Variants in GABRB3 observed in about 807,000 individuals in gnomAD.
The protein encoded by GABRB3 is gamma-aminobutyric acid type A receptor subunit beta3.
In GABRB3, 14 loss-of-function variants were observed where a neutral mutation model predicts 52.1. The observed-to-expected ratio is 0.27, with a 90% CI of 0.18 to 0.42. The LOEUF is 0.42. Among genes scored for constraint, GABRB3 ranks in the 10% least tolerant of loss-of-function variants. GABRB3 has a pLI of 1.00. For synonymous variants in GABRB3, 260 were observed against 232.3 expected (o/e 1.12, Z -1.08); for missense variants, 307 against 609.1 (o/e 0.50, Z 5.22).
chr15:26,561,694 C>T (rs939904618), intron 7 of GABRB3, among the ~76,000 whole-genome samples: 1 of 152,136 alleles, frequency 6.6e-6, no homozygotes, highest in Admixed American at 6.5e-5. Context: ...TACTACAATG[C>T]TTATTGGAAG....
chr15:26,773,439 G>A (rs549139848), upstream of GABRB3, among the ~76,000 whole-genome samples: 11 of 151,396 alleles, frequency 7.3e-5, no homozygotes, highest in Non-Finnish European at 1.6e-4. Flanking sequence ...GGGCGAGTGC[G>A]GGGACTGTCG....
chr15:26,716,041 TC>T (rs1274414062), intron 3 of GABRB3, among the ~76,000 whole-genome samples: 1 of 152,146 alleles, frequency 6.6e-6, no homozygotes, highest in African/African-American at 2.4e-5. Context: ...ATGCAGGAAT[TC>T]CCCACACCTT....
At chr15:26,656,680 A>G (rs1490433129) in intron 3 of GABRB3, among the ~76,000 whole-genome samples, 3 of 152,186 alleles carry the variant, frequency 2.0e-5, no homozygotes, top group Admixed American at 6.5e-5. Flanking sequence ...TGAGGGATCT[A>G]GGTTGCACAC....
chr15:26,624,389 C>T lies in GABRB3; in HGVS notation c.241-2855G>A, dbSNP rs531620176. 3.6e-5 allele frequency: 35 copies of T among 985,494 alleles called. 1 individual carries two copies. In the African/African-American group the frequency reaches 4.5e-4, roughly 13 times the overall value. The allele number at this position is 985,494 out of a possible 1,614,324, so 61.0% of individuals were successfully genotyped here. ...CTTTACTCCTAACCCCGCATGCTTA[C>T]GCCTGAGTCGCGATGTCTAGCGCCC... On this transcript the variant is annotated intron_variant, in intron 3 of 8. Coordinates refer to ENST00000311550, the MANE Select transcript of GABRB3 (RefSeq NM_000814.6).
intron 4 of GABRB3, among the ~76,000 whole-genome samples, chr15:26,596,630 A>G (rs1016091951): frequency 1.3e-5 from 2 of 152,200 alleles, no homozygotes; most frequent in African/African-American, 4.8e-5. Context: ...AATTTCCCAT[A>G]TAATATAATC....
In GABRB3 at chr15:26,772,451, C is replaced by A; in HGVS notation, c.191G>T (p.Gly64Val). Residue 64 changes from glycine to valine, a missense_variant, in exon 3 of 9, where the codon GGG (glycine) becomes GTG (valine). By Grantham distance (109) the Gly-to-Val change is moderately radical. Transcript: ENST00000311550. ...GATGCTGGCGATGTCGATGTTCATC[C>A]CCACGCAGACCGGGGGACCTGCGGG... ...PDFGGPPVCV[G>V]MNIDIASIDM... 1 of 1,610,842 alleles carries A rather than the reference C, an allele frequency of 6.2e-7. No homozygotes were observed. The highest frequency in any genetic ancestry group is 8.5e-7 in the Non-Finnish European group (1 of 1,178,516).
chr15:26,594,929 C>A (rs1452117148), intron 4 of GABRB3, among the ~76,000 whole-genome samples: 3 of 152,214 alleles, frequency 2.0e-5, no homozygotes, highest in African/African-American at 7.2e-5. Context: ...TGCCTATGTG[C>A]TAGGGCACAC....
intron 3 of GABRB3, among the ~76,000 whole-genome samples, chr15:26,769,039 GCAT>G (rs1352171873): frequency 6.6e-6 from 1 of 151,652 alleles, no homozygotes; most frequent in Non-Finnish European, 1.5e-5. Context: ...TTTTTTGGAG[GCAT>G]CATCTACACA....
At chr15:26,663,947 G>T (rs1242791979) in intron 3 of GABRB3, among the ~76,000 whole-genome samples, 1 of 152,150 alleles carries the variant, frequency 6.6e-6, no homozygotes, top group Non-Finnish European at 1.5e-5. Flanking sequence ...GAGCCTACTG[G>T]TATCAGCATT....
intron 3 of GABRB3, among the ~76,000 whole-genome samples, chr15:26,694,067 A>G (rs1027487769): frequency 6.6e-6 from 1 of 152,142 alleles, no homozygotes; most frequent in Non-Finnish European, 1.5e-5. Flanking sequence ...TGGGCAACAT[A>G]GTAACATATG....
At chr15:26,661,823 C>T (rs183450875) in intron 3 of GABRB3, among the ~76,000 whole-genome samples, 1 of 152,218 alleles carries the variant, frequency 6.6e-6, no homozygotes, top group East Asian at 1.9e-4. Context: ...GGAACAGCGT[C>T]CTCCCAGTCC....
chr15:26,564,466 C>T (rs17117097), intron 7 of GABRB3, among the ~76,000 whole-genome samples: 2,427 of 152,306 alleles, frequency 0.016, 58 homozygotes, highest in African/African-American at 0.055. Flanking sequence ...CCCTGAGTCC[C>T]TCCCGCGTTG....
chr15:26,772,513 G>C (rs746317416), intron 2 of GABRB3, 44 bp from the exon 3 acceptor site: 235 of 1,592,862 alleles, frequency 1.5e-4, no homozygotes, highest in Middle Eastern at 9.9e-4. Context: ...GCTCCGGCGC[G>C]GGGCGCGGGC....
chr15:26,565,652 C>T (rs181357281), intron 7 of GABRB3, among the ~76,000 whole-genome samples: 9 of 152,182 alleles, frequency 5.9e-5, no homozygotes, highest in Non-Finnish European at 8.8e-5. Context: ...GGGGTATTAA[C>T]GATTTAATAC....
chr15:26,593,345 T>G (rs1178890568), intron 4 of GABRB3, among the ~76,000 whole-genome samples: 1 of 152,252 alleles, frequency 6.6e-6, no homozygotes, highest in Non-Finnish European at 1.5e-5. Context: ...TGTACCATTT[T>G]AGTGATTTTT....
intron 3 of GABRB3, among the ~76,000 whole-genome samples, chr15:26,668,449 G>C (rs1887783884): frequency 6.6e-6 from 1 of 152,178 alleles, no homozygotes; most frequent in Admixed American, 6.5e-5. Context: ...GGGCCGAACT[G>C]ACTCAGTCAC....
At position 26,547,969 on chromosome 15, in the gene GABRB3, G is replaced by C; in HGVS notation, c.1246C>G (p.Leu416Val). 1 of 1,614,188 alleles carries C rather than the reference G, an allele frequency of 6.2e-7. No individual in the cohort carries two copies. The highest frequency in any genetic ancestry group is 8.5e-7 in the Non-Finnish European group (1 of 1,180,036). ...SMPREGHGRF[L>V]GDRSLPHKKT... ...TTGTGCGGGAGGCTTCTGTCCCCCA[G>C]GAATCGCCCATGCCCTTCTCGAGGC... is the stretch of plus-strand genomic sequence containing the variant. Residue 416 changes from leucine to valine, a missense_variant, in exon 9 of 9, where the codon CTG becomes GTG. By Grantham distance (32) the Leu-to-Val change is conservative. Transcript: ENST00000311550.
chr15:26,678,939 C>T (rs1888153272), intron 3 of GABRB3, among the ~76,000 whole-genome samples: 1 of 152,122 alleles, frequency 6.6e-6, no homozygotes, highest in South Asian at 2.1e-4. Context: ...TTTCTATGAA[C>T]CTCAACTATA....
At chr15:26,711,432 G>T (rs1008934836) in intron 3 of GABRB3, among the ~76,000 whole-genome samples, 9 of 149,968 alleles carry the variant, frequency 6.0e-5, no homozygotes, top group Non-Finnish European at 1.0e-4. Flanking sequence ...GCTTCGTGAC[G>T]GATGTGGCAT....
Sources: gnomAD v4.1 joint callset for allele counts (sites outside exome capture counted in the v4.1 genomes callset) on GRCh38, gnomAD v4.1.1 for gene constraint, MANE v1.5 for transcripts, NCBI Gene and HGNC (gene_info 2026-07-23, HGNC 2026-07-21) for gene names.